Variants in TMEM229B observed in about 807,000 individuals in gnomAD.
The protein encoded by TMEM229B is transmembrane protein 229B.
TMEM229B carries 6 observed loss-of-function variants against 13.7 expected under a neutral mutation model. The observed-to-expected ratio is 0.44, with a 90% CI of 0.24 to 0.86. The LOEUF is 0.86. Ranked by LOEUF, TMEM229B falls within the 40% of genes least tolerant of loss-of-function variation. The pLI is 0.23. For synonymous variants in TMEM229B, 107 were observed against 102.1 expected, an observed-to-expected ratio of 1.05 and a Z score of -0.29; for missense variants, 170 against 236.0, an observed-to-expected ratio of 0.72 and a Z score of 1.83.
chr14:67,491,824 T>C (rs764806118), upstream of TMEM229B, among the ~76,000 whole-genome samples: 2 of 152,194 alleles, frequency 1.3e-5, no homozygotes, highest in Non-Finnish European at 1.5e-5. Context: ...GCAATCAGTA[T>C]TCCAGATTCC....
chr14:67,523,824 A>G (rs529504403), intron 1 of TMEM229B, among the ~76,000 whole-genome samples: 21 of 152,176 alleles, frequency 1.4e-4, no homozygotes, highest in Admixed American at 2.0e-4. Flanking sequence ...AGGGGAAACA[A>G]TATCTTTGGA....
rs1022664984 is a variant in TMEM229B at position 67,514,836 on chromosome 14, A to C, written c.-192+250T>G. On this transcript the variant is annotated intron_variant, in intron 1 of 2. Transcript: ENST00000357461. ...CCCCAACACGCCCCCCTGTGCGCCC[A>C]TCCCCCGCAGGGAATCCAAGCCCCG... is the stretch of plus-strand genomic sequence containing the variant. Among the ~76,000 whole-genome samples, 321 of 151,840 alleles carry C rather than the reference A, an allele frequency of 2.1e-3. 5 individuals carry two copies. The highest frequency in any genetic ancestry group is 3.9e-3 in the Non-Finnish European group (263 of 67,906).
chr14:67,512,301 A>G (rs2033054806), intron 1 of TMEM229B, among the ~76,000 whole-genome samples: 1 of 152,154 alleles, frequency 6.6e-6, no homozygotes, highest in Non-Finnish European at 1.5e-5. Context: ...TTCAAATACA[A>G]AGCCTGATTT....
chr14:67,525,583 C>A (rs1273270804), intron 1 of TMEM229B, among the ~76,000 whole-genome samples: 2 of 152,204 alleles, frequency 1.3e-5, no homozygotes, highest in Admixed American at 1.3e-4. Context: ...GCAAGAATCA[C>A]AACATGCCAT....
chr14:67,524,823 C>T (rs570798108), intron 1 of TMEM229B, among the ~76,000 whole-genome samples: 9 of 152,242 alleles, frequency 5.9e-5, no homozygotes, highest in South Asian at 2.1e-4. Flanking sequence ...AGATGTGAGG[C>T]CCCTCTGATC....
chr14:67,520,697 A>T (rs928058756), intron 1 of TMEM229B, among the ~76,000 whole-genome samples: 1 of 152,216 alleles, frequency 6.6e-6, no homozygotes, highest in Non-Finnish European at 1.5e-5. Context: ...GGCGTACCAC[A>T]GTTTATTTAC....
chr14:67,473,671 A>G lies in TMEM229B; in HGVS notation c.253T>C (p.Tyr85His). The change falls in exon 3 of 3, where the codon TAC (tyrosine) becomes CAC (histidine). Residue 85 changes from tyrosine to histidine, a missense_variant. This residue lies in a region of TMEM229B where 57 missense variants were observed against 66.7 expected (regional missense o/e 0.85). Transcript: ENST00000554480. This position sits in a 1 kb window ranked among gnomAD's most constrained non-coding sequence, Gnocchi z 6.5. ...AAGCCGGTGGTGAACTCCCACAGGT[A>G]GGTCCAGAGCGTGTAGATGAGGCAG... is the stretch of plus-strand genomic sequence containing the variant. ...LRCLIYTLWT[Y>H]LWEFTTGFIL... 8 of 1,581,672 alleles carry G rather than the reference A, an allele frequency of 5.1e-6. No individual in the cohort carries two copies. Among genetic ancestry groups the G allele is most frequent in the Non-Finnish European group, 6.9e-6 (8 of 1,163,936 alleles).
intron 2 of TMEM229B, among the ~76,000 whole-genome samples, chr14:67,474,914 CTT>C (rs71129825): frequency 1.8e-4 from 23 of 124,922 alleles, no homozygotes; most frequent in East Asian, 2.3e-4. Flanking sequence ...GAATTTCCTT[CTT>C]TTTTTTTTTT....
chr14:67,512,976 T>C (rs2033077406), intron 1 of TMEM229B, among the ~76,000 whole-genome samples: 2 of 152,142 alleles, frequency 1.3e-5, no homozygotes, highest in Non-Finnish European at 2.9e-5. Flanking sequence ...TTAGAAACAA[T>C]ATGTAAATCT....
At chr14:67,496,130 AGTGAGCTGAG>A (rs2032354350) in intron 1 of TMEM229B, among the ~76,000 whole-genome samples, 1 of 152,246 alleles carries the variant, frequency 6.6e-6, no homozygotes, top group Non-Finnish European at 1.5e-5. Context: ...GCAAAGCTGC[AGTGAGCTGAG>A]ATGGTGCCAC....
chr14:67,515,720 T>C (rs928395343), upstream of TMEM229B, among the ~76,000 whole-genome samples: 2 of 152,172 alleles, frequency 1.3e-5, no homozygotes, highest in Non-Finnish European at 2.9e-5. Flanking sequence ...GCCCGGAGCT[T>C]GTAGTTGTGG....
chr14:67,522,249 G>A (rs141165254), intron 1 of TMEM229B, among the ~76,000 whole-genome samples: 140 of 152,242 alleles, frequency 9.2e-4, no homozygotes, highest in African/African-American at 3.2e-3. Context: ...ACATATCCCC[G>A]TACCCGCTCC....
rs866859848 is a variant in TMEM229B at position 67,475,482 on chromosome 14, G to T, written c.-18-1541C>A. On this transcript the variant is annotated intron_variant, in intron 2 of 2. Coordinates refer to ENST00000554480, the MANE Select transcript of TMEM229B (RefSeq NM_001348543.2). ...AACCACTGTGCTGTTTTCCACAGTG[G>T]CCACACCATTTTACATTCCCCATCA... 2.0e-4 allele frequency among the ~76,000 whole-genome samples: 30 copies of T among 152,210 alleles called. 1 individual carries two copies. Among genetic ancestry groups the T allele is most frequent in the Middle Eastern group, 3.4e-3 (1 of 294 alleles).
At chr14:67,506,938 C>A (rs953770539) in intron 1 of TMEM229B, among the ~76,000 whole-genome samples, 2 of 152,022 alleles carry the variant, frequency 1.3e-5, no homozygotes, top group African/African-American at 4.8e-5. Flanking sequence ...GAGCTGAGAT[C>A]GTGCCACTGC....
chr14:67,485,815 G>A (rs544771396), intron 2 of TMEM229B, among the ~76,000 whole-genome samples: 1 of 152,366 alleles, frequency 6.6e-6, no homozygotes. Context: ...CCTACCTCGA[G>A]CTTGTCTCGC....
intron 1 of TMEM229B, among the ~76,000 whole-genome samples, chr14:67,510,730 G>C (rs78769174): frequency 0.15 from 22,678 of 152,038 alleles, 1,937 homozygotes; most frequent in East Asian, 0.34. Context: ...TGGGAACAAG[G>C]GGAAGAGAGA....
At chr14:67,496,002 C>T (rs926064934) in intron 1 of TMEM229B, among the ~76,000 whole-genome samples, 4 of 152,154 alleles carry the variant, frequency 2.6e-5, no homozygotes, top group Non-Finnish European at 4.4e-5. Context: ...GGTTCACTGT[C>T]ACAGCTGTGT....
intron 2 of TMEM229B, among the ~76,000 whole-genome samples, chr14:67,480,668 C>A (rs1240280098): frequency 1.3e-5 from 2 of 152,166 alleles, no homozygotes; most frequent in African/African-American, 4.8e-5. Context: ...GCACGTATCC[C>A]CCTGGCTCTT....
intron 1 of TMEM229B, 21 bp from the exon 2 acceptor site, chr14:67,487,193 T>A (rs1024753034): frequency 1.3e-5 from 2 of 152,180 alleles, no homozygotes; most frequent in African/African-American, 4.8e-5. Flanking sequence ...AAGAGGAGGC[T>A]TTTATTAGCT....
Sources: allele counts gnomAD v4.1 joint callset (sites outside exome capture counted in the v4.1 genomes callset), GRCh38; gene constraint gnomAD v4.1.1; regional missense constraint gnomAD v4.1.1; non-coding constraint Gnocchi (gnomAD v3.1); transcripts MANE v1.5; gene names NCBI Gene and HGNC (gene_info 2026-07-23, HGNC 2026-07-21).